The following GLIS1 variants were observed in gnomAD, a reference collection of about 807,000 sequenced individuals.
GLIS1 encodes GLIS family zinc finger 1, also known as zinc finger protein GLIS1.
In GLIS1, 24 loss-of-function variants were observed where a neutral mutation model predicts 63.8. The observed-to-expected ratio is 0.38, with a 90% confidence interval of 0.27 to 0.53. GLIS1 has a LOEUF of 0.53. Among genes scored for constraint, GLIS1 ranks in the 20% least tolerant of loss-of-function variants. The pLI is 0.85. For synonymous variants in GLIS1, 450 were observed against 482.5 expected (o/e 0.93, Z 0.88); for missense variants, 1,036 against 1,074.1 (o/e 0.96, Z 0.50).
intron 2 of GLIS1, among the ~76,000 whole-genome samples, chr1:53,729,661 G>A (rs572708781): frequency 1.1e-3 from 167 of 152,076 alleles, no homozygotes; most frequent in Non-Finnish European, 1.9e-3. Flanking sequence ...TATCTCTGAA[G>A]CACACTACTC....
At chr1:53,675,902 T>C (rs1570030290) in intron 2 of GLIS1, among the ~76,000 whole-genome samples, 2 of 94,302 alleles carry the variant, frequency 2.1e-5, no homozygotes, top group African/African-American at 8.4e-5. Flanking sequence ...CCATCCCACC[T>C]CCTCTCCCTA....
intron 2 of GLIS1, among the ~76,000 whole-genome samples, chr1:53,706,312 G>C (rs540932733): frequency 2.2e-4 from 33 of 152,302 alleles, no homozygotes; most frequent in Admixed American, 2.0e-3. Context: ...TTAGGCTGAC[G>C]GGCTGGTCTC....
chr1:53,698,649 G>A (rs1324143132), intron 2 of GLIS1, among the ~76,000 whole-genome samples: 4 of 152,222 alleles, frequency 2.6e-5, no homozygotes, highest in Non-Finnish European at 5.9e-5. Context: ...GGTCCGGGTA[G>A]ACCGAGGCTG....
In GLIS1 at chr1:53,594,197, A is replaced by G; in HGVS notation, c.1231T>C (p.Cys411Arg). Residue 411 changes from cysteine (C) to arginine (R), a missense_variant, in exon 4 of 11, where the codon TGC becomes CGC. Physicochemically the swap from Cys to Arg is radical, Grantham distance 180. Transcript: ENST00000628545. ...GEDFTCFWAG[C>R]VRRYKPFNAR... is the part of the protein sequence containing the mutation. ...TTGAAGGGCTTGTAGCGGCGCACGCAGCCAGCCCAGAAGCAGGTGAAGTCC... is the reference window on the plus strand; with the variant it reads ...TTGAAGGGCTTGTAGCGGCGCACGCGGCCAGCCCAGAAGCAGGTGAAGTCC... The G allele has an allele frequency of 6.2e-7, 1 of 1,613,994 alleles. No individual in the cohort carries two copies. The highest frequency in any genetic ancestry group is 8.5e-7 in the Non-Finnish European group (1 of 1,179,974).
intron 3 of GLIS1, among the ~76,000 whole-genome samples, chr1:53,595,344 C>A (rs1356455356): frequency 6.6e-6 from 1 of 152,254 alleles, no homozygotes; most frequent in South Asian, 2.1e-4. Context: ...CATAGTGAGA[C>A]TCCATCTCTA....
chr1:53,694,709 T>G (rs993504735), intron 2 of GLIS1, among the ~76,000 whole-genome samples: 1 of 152,162 alleles, frequency 6.6e-6, no homozygotes, highest in Non-Finnish European at 1.5e-5. Context: ...CAGACTGGGC[T>G]ACGTGGGGCA....
At chr1:53,514,974 G>A (rs2100271098) in intron 7 of GLIS1, among the ~76,000 whole-genome samples, 193 bp from the exon 8 acceptor site, 1 of 152,272 alleles carries the variant, frequency 6.6e-6, no homozygotes, top group Non-Finnish European at 1.5e-5. Flanking sequence ...CAGCCTTGCA[G>A]GCCCTGGCTA....
At chr1:53,636,254 A>C (rs995300093) in intron 2 of GLIS1, among the ~76,000 whole-genome samples, 2 of 152,228 alleles carry the variant, frequency 1.3e-5, no homozygotes, top group Non-Finnish European at 2.9e-5. Flanking sequence ...ATCATGACCA[A>C]GTCAGGTATA....
chr1:53,533,962 A>G (rs542526985), intron 4 of GLIS1, among the ~76,000 whole-genome samples: 11 of 152,128 alleles, frequency 7.2e-5, no homozygotes, highest in Non-Finnish European at 1.5e-4. Context: ...TGGGGAGCTG[A>G]TGCTCAGGGT....
chr1:53,594,489 G>A lies in GLIS1; in HGVS notation c.939C>T (p.Ala313=). ...DSHEGSLQLE[A]CRKASFLKQE... ...GCTTCAGGAAGCTCGCCTTCCGGCA[G>A]GCTTCAAGTTGCAAGCTGCCCTCAT... The change falls in exon 4 of 11, where the codon GCC becomes GCT. Residue 313 remains alanine, a synonymous_variant. Transcript: ENST00000628545. 6.2e-7 allele frequency: 1 copy of A among 1,613,038 alleles called. No homozygotes were observed. The highest frequency in any genetic ancestry group is 8.5e-7 in the Non-Finnish European group (1 of 1,179,994).
At chr1:53,707,462 C>CAATAT (rs1368591257) in intron 2 of GLIS1, among the ~76,000 whole-genome samples, 1 of 151,962 alleles carries the variant, frequency 6.6e-6, no homozygotes, top group Non-Finnish European at 1.5e-5. Flanking sequence ...CAAGCCTGGA[C>CAATAT]AATATGCTGA....
Position 53,538,627 on chromosome 1 carries a change from G to C in GLIS1, c.1321-8675C>G, listed in dbSNP as rs76232954. Among the ~76,000 whole-genome samples the C allele has an allele frequency of 2.5e-3, 380 of 152,276 alleles. 11 individuals carry two copies. In the East Asian group the frequency reaches 0.06, roughly 24 times the overall value. On this transcript the variant is annotated intron_variant, in intron 4 of 10. Transcript: ENST00000628545. ...TCATAAGCAGCTGGCAGGCCAGGGA[G>C]GGCTGGGGGCACACAGTGAGGCAAG...
chr1:53,577,222 TG>T (rs1471688027), intron 4 of GLIS1, among the ~76,000 whole-genome samples: 1 of 149,412 alleles, frequency 6.7e-6, no homozygotes, highest in Non-Finnish European at 1.5e-5. Flanking sequence ...CCTACCCCCC[TG>T]GGGCCCTCTG....
In GLIS1 at chr1:53,646,220, T is replaced by C. The variant is rs980729717; in HGVS notation, c.260-45942A>G. The stretch of plus-strand genomic sequence containing the variant: ...AGAATGACAAACATAAGATTACCTC[T>C]AGTGGGTAAGCAGGGATGAAAGAAA... On this transcript the variant is annotated intron_variant, in intron 2 of 10. Transcript: ENST00000628545. This position sits in a 1 kb window ranked among gnomAD's most constrained non-coding sequence, Gnocchi z 4.2. Among the ~76,000 whole-genome samples, 6 of 152,206 alleles carry C rather than the reference T, an allele frequency of 3.9e-5. No homozygotes were observed. The highest frequency in any genetic ancestry group is 9.6e-5 in the African/African-American group (4 of 41,460).
intron 2 of GLIS1, chr1:53,688,887 T>G (rs1166693232): frequency 6.6e-6 from 1 of 152,246 alleles, no homozygotes; most frequent in East Asian, 1.9e-4. Flanking sequence ...TGAGGACACC[T>G]GCTGGCAGAA....
chr1:53,709,729 G>A (rs1646626451), intron 2 of GLIS1, among the ~76,000 whole-genome samples: 2 of 152,190 alleles, frequency 1.3e-5, no homozygotes, highest in South Asian at 4.1e-4. Context: ...CCCAGAGGCA[G>A]TTCCCATTCA....
intron 4 of GLIS1, among the ~76,000 whole-genome samples, chr1:53,544,120 A>G (rs1644674089): frequency 6.6e-6 from 1 of 152,256 alleles, no homozygotes. Flanking sequence ...CAGGAATAAT[A>G]TAAAATTAAA....
intron 2 of GLIS1, among the ~76,000 whole-genome samples, chr1:53,617,916 T>TGATTTCTTGCATCCCAGGGAC (rs1485159360): frequency 9.2e-5 from 14 of 152,172 alleles, no homozygotes; most frequent in African/African-American, 2.7e-4. Context: ...GACTGTGTCT[T>TGATTTCTTGCATCCCAGGGAC]GATTTCTTGC....
intron 2 of GLIS1, among the ~76,000 whole-genome samples, chr1:53,632,504 TGA>T (rs1266860428): frequency 1.4e-5 from 2 of 140,504 alleles, no homozygotes; most frequent in Admixed American, 7.1e-5. Context: ...TGAGTGTGAC[TGA>T]GGGGTGTAAT....
Sources: gnomAD v4.1 joint callset for allele counts (sites outside exome capture counted in the v4.1 genomes callset) on GRCh38, gnomAD v4.1.1 for gene constraint, Gnocchi (gnomAD v3.1) non-coding constraint, MANE v1.5 for transcripts, NCBI Gene and HGNC (gene_info 2026-07-23, HGNC 2026-07-21) for gene names.